Variants in OSBP observed in about 807,000 individuals in gnomAD.
The protein encoded by OSBP is oxysterol-binding protein 1.
OSBP carries 32 observed loss-of-function variants against 96.6 expected under a neutral mutation model. The observed-to-expected ratio is 0.33, with a 90% CI of 0.25 to 0.45. The LOEUF (loss-of-function observed/expected upper bound fraction) is 0.45, where lower values mean the gene tolerates loss of function less well. OSBP is among the 20% of genes least tolerant of loss of function. The pLI is 1.00. For synonymous variants in OSBP, 369 were observed against 389.6 expected (o/e 0.95, Z 0.62); for missense variants, 653 against 1,029.7 (o/e 0.63, Z 5.01).
Position 59,615,322 on chromosome 11 carries a change from C to G in OSBP, c.343G>C (p.Gly115Arg). 6.2e-7 allele frequency: 1 copy of G among 1,603,188 alleles called. No individual in the cohort carries two copies. The highest frequency in any genetic ancestry group is 8.5e-7 in the Non-Finnish European group (1 of 1,173,320). ...AGTTACCTGTAGTAGCTCAGGAGCC[C>G]GTTGCTCAGCACGAACCATCGCCGC... Reference protein sequence around the residue: ...YQRRWFVLSNGLLSYYRSKAE... With the variant: ...YQRRWFVLSNRLLSYYRSKAE... Residue 115 changes from glycine to arginine, a missense_variant, in exon 1 of 14, where the codon GGG (glycine) becomes CGG (arginine). Gly to Arg is a moderately radical substitution (Grantham distance 125). Coordinates refer to ENST00000263847, the MANE Select transcript of OSBP (RefSeq NM_002556.3).
chr11:59,607,595 A>G (rs1443353942), intron 3 of OSBP, among the ~76,000 whole-genome samples: 13 of 152,202 alleles, frequency 8.5e-5, no homozygotes, highest in Non-Finnish European at 1.9e-4. Context: ...TCTACCCTAC[A>G]TAATTTCTCA....
At chr11:59,580,811 G>A (rs1860411893) in intron 10 of OSBP, among the ~76,000 whole-genome samples, 1 of 152,038 alleles carries the variant, frequency 6.6e-6, no homozygotes, top group Admixed American at 6.6e-5. Flanking sequence ...GAGCCAACAT[G>A]CCCAGCCCAT....
chr11:59,600,465 T>A (rs771275496), intron 7 of OSBP, 31 bp downstream of exon 7: 1 of 1,610,508 alleles, frequency 6.2e-7, no homozygotes, highest in East Asian at 2.2e-5. Context: ...GAGGAACTCC[T>A]GGCAGCAGCT....
Position 59,581,573 on chromosome 11 carries a change from ATC to A in OSBP, c.1679-21_1679-20del. ...ATGGTACCTGGAAGCAGAAAGAGGT[ATC>A]CAAATTAAGCCAAATGTCAGAAAAA... is the stretch of plus-strand genomic sequence containing the variant. On this transcript the variant is annotated intron_variant, in intron 9 of 13. Transcript: ENST00000263847. The A allele has an allele frequency of 6.7e-7, 1 of 1,488,810 alleles. No homozygotes were observed. Among genetic ancestry groups the A allele is most frequent in the Non-Finnish European group, 9.4e-7 (1 of 1,066,560 alleles). 92.2% of individuals were successfully genotyped at this position (1,488,810 alleles called of 1,614,324 possible).
intron 9 of OSBP, among the ~76,000 whole-genome samples, chr11:59,590,960 G>A (rs1455900948): frequency 6.6e-6 from 1 of 152,106 alleles, no homozygotes; most frequent in East Asian, 1.9e-4. Context: ...CATGAAGATG[G>A]GGATTTTTGT....
At chr11:59,591,973 G>C (rs1565116862) in intron 9 of OSBP, among the ~76,000 whole-genome samples, 1 of 152,066 alleles carries the variant, frequency 6.6e-6, no homozygotes, top group Non-Finnish European at 1.5e-5. Flanking sequence ...GAATACCCAG[G>C]TATGGATGGC....
At position 59,607,193 on chromosome 11, in the gene OSBP, A is replaced by G. The variant is rs186871675; in HGVS notation, c.822+1291T>C. Among the ~76,000 whole-genome samples, 994 of 152,296 alleles carry G rather than the reference A, an allele frequency of 6.5e-3. 16 individuals carry two copies. Among genetic ancestry groups the G allele is most frequent in the African/African-American group, 0.023 (961 of 41,554 alleles). Reference sequence around the variant, plus strand: ...ACCATTGTGCCGAGTTGTTTTATTTAAAAAGTATACGTATTTACTATTTAA... The same window carrying G: ...ACCATTGTGCCGAGTTGTTTTATTTGAAAAGTATACGTATTTACTATTTAA... On this transcript the variant is annotated intron_variant, in intron 3 of 13. Coordinates refer to ENST00000263847, the MANE Select transcript of OSBP (RefSeq NM_002556.3).
At chr11:59,598,240 C>T (rs895270321) in intron 7 of OSBP, among the ~76,000 whole-genome samples, 2 of 152,246 alleles carry the variant, frequency 1.3e-5, no homozygotes, top group Non-Finnish European at 2.9e-5. Context: ...CAGGGCTAAG[C>T]ATCAAGGTTA....
At chr11:59,580,650 A>G (rs1209260904) in intron 10 of OSBP, among the ~76,000 whole-genome samples, 1 of 152,122 alleles carries the variant, frequency 6.6e-6, no homozygotes, top group Admixed American at 6.6e-5. Context: ...CGGCCTTTCT[A>G]TACTTGATTC....
At chr11:59,602,836 T>C (rs531341496) in intron 3 of OSBP, among the ~76,000 whole-genome samples, 50 of 152,316 alleles carry the variant, frequency 3.3e-4, no homozygotes, top group African/African-American at 1.2e-3. Flanking sequence ...CCCAGACTAG[T>C]ATCGAACTCA....
chr11:59,610,501 T>C lies in OSBP; in HGVS notation c.451A>G (p.Ile151Val). 2.5e-6 allele frequency: 4 copies of C among 1,614,170 alleles called. No individual in the cohort carries two copies. The highest frequency in any genetic ancestry group is 3.4e-6 in the Non-Finnish European group (4 of 1,180,028). ...ITVEDSCNFI[I>V]SNGGAQTYHL... The stretch of plus-strand genomic sequence containing the variant: ...TAGGTCTGAGCACCCCCATTGGAAA[T>C]GATGAAGTTGCAGGAGTCCTCCACG... The change falls in exon 2 of 14, where the codon ATT becomes GTT. Residue 151 changes from isoleucine (I) to valine (V), a missense_variant. Physicochemically the swap from Ile to Val is conservative, Grantham distance 29 (BLOSUM62 3). Transcript: ENST00000263847.
At position 59,602,140 on chromosome 11, in the gene OSBP, C is replaced by T. The variant is rs114391701; in HGVS notation, c.823-302G>A. ...GTATTTGTGACAACATCAAAAAGAG[C>T]AGGTATGTGAACTGCACCAAAAGTA... On this transcript the variant is annotated intron_variant, in intron 3 of 13. Transcript: ENST00000263847. 3.3e-3 allele frequency among the ~76,000 whole-genome samples: 510 copies of T among 152,252 alleles called. 5 individuals carry two copies. The highest frequency in any genetic ancestry group is 0.011 in the African/African-American group (457 of 41,556).
chr11:59,604,494 G>A (rs1860755974), intron 3 of OSBP, among the ~76,000 whole-genome samples: 1 of 152,088 alleles, frequency 6.6e-6, no homozygotes, highest in African/African-American at 2.4e-5. Context: ...CTGAGGTTAG[G>A]TGTCCGAGAC....
rs761932791 is a variant in OSBP at position 59,576,903 on chromosome 11, C to T, written c.2183G>A (p.Arg728His). 1.7e-5 allele frequency: 27 copies of T among 1,614,216 alleles called. No individual in the cohort carries two copies. Among genetic ancestry groups the T allele is most frequent in the South Asian group, 3.3e-5 (3 of 91,080 alleles). The change falls in exon 13 of 14, where the codon CGC (arginine) becomes CAC (histidine). Residue 728 changes from arginine to histidine, a missense_variant. Around this residue, in one of 6 missense-constraint regions of OSBP, gnomAD observed 169 missense variants for 251.5 expected, o/e 0.67. Coordinates refer to ENST00000263847, the MANE Select transcript of OSBP (RefSeq NM_002556.3). ...RPDQRLMENG[R>H]WDEANAEKQR... ...CTTCTCCGCATTTGCTTCATCCCAG[C>T]GTCCATTTTCCATCAGTCTCTGGTC...
rs760664727 is a variant in OSBP, at chr11:59,610,556, A to G, written c.396T>C (p.Gly132=). 9 of 1,614,058 alleles carry G rather than the reference A, an allele frequency of 5.6e-6. No individual in the cohort carries two copies. In the Admixed American group the frequency reaches 1.3e-4, roughly 24 times the overall value. ...SKAEMRHTCR[G]TINLATANIT... is the part of the protein sequence containing the mutation. ...TGTTGGCTGTGGCGAGGTTGATGGTACCACGGCAGGTATGTCTCATTTCTG... is the reference window on the plus strand; with the variant it reads ...TGTTGGCTGTGGCGAGGTTGATGGTGCCACGGCAGGTATGTCTCATTTCTG... Residue 132 remains glycine (G), a synonymous_variant, in exon 2 of 14, where the codon GGT becomes GGC. Coordinates refer to ENST00000263847, the MANE Select transcript of OSBP (RefSeq NM_002556.3).
intron 12 of OSBP, 50 bp from the exon 13 acceptor site, chr11:59,577,075 C>A: frequency 6.7e-7 from 1 of 1,492,002 alleles, no homozygotes; most frequent in Non-Finnish European, 9.2e-7. Flanking sequence ...AGCCCAGACC[C>A]TATTTAAAGA....
chr11:59,601,476 A>G, intron 4 of OSBP, 91 bp from the exon 5 acceptor site: 1 of 1,189,774 alleles, frequency 8.4e-7, no homozygotes, highest in South Asian at 1.3e-5. Context: ...CCACAAACAC[A>G]GCAAAAAATG....
rs149683760 is a variant in OSBP at position 59,575,207 on chromosome 11, ACT to A, written c.*1368_*1369del. On this transcript the variant is annotated 3_prime_UTR_variant, in exon 14 of 14. Transcript: ENST00000263847. Reference sequence around the variant, plus strand: ...GTTGCCCTCCGGACTTTCTACCCACACTCTTCCTGAAAAGAGAAAGAAAAGAG... The same window carrying A: ...GTTGCCCTCCGGACTTTCTACCCACACTTCCTGAAAAGAGAAAGAAAAGAG... 4,839 of 152,164 alleles carry A rather than the reference ACT, an allele frequency of 0.032. 102 individuals are homozygous for A. Among genetic ancestry groups the A allele is most frequent in the Non-Finnish European group, 0.048 (3,247 of 68,012 alleles). The allele number at this position is 152,164 out of a possible 1,614,324, so 9.4% of individuals were successfully genotyped here.
chr11:59,576,903 C>A lies in OSBP; in HGVS notation c.2183G>T (p.Arg728Leu). Residue 728 changes from arginine to leucine, a missense_variant, in exon 13 of 14, where the codon CGC (arginine) becomes CTC (leucine). By Grantham distance (102) the Arg-to-Leu change is moderately radical. Transcript: ENST00000263847. ...RPDQRLMENG[R>L]WDEANAEKQR... ...CTTCTCCGCATTTGCTTCATCCCAG[C>A]GTCCATTTTCCATCAGTCTCTGGTC... is the stretch of plus-strand genomic sequence containing the variant. The A allele has an allele frequency of 1.2e-6, 2 of 1,614,216 alleles. No homozygotes were observed. The highest frequency in any genetic ancestry group is 1.1e-5 in the South Asian group (1 of 91,080).
Sources: gnomAD v4.1 joint callset for allele counts (sites outside exome capture counted in the v4.1 genomes callset) on GRCh38, gnomAD v4.1.1 for gene constraint, gnomAD v4.1.1 regional missense constraint, MANE v1.5 for transcripts, NCBI Gene and HGNC (gene_info 2026-07-23, HGNC 2026-07-21) for gene names.